ZZEF1: variants seen among roughly 807,000 people sequenced by gnomAD.
The protein encoded by ZZEF1 is zinc finger ZZ-type and EF-hand domain-containing protein 1.
Under a neutral mutation model 342.8 loss-of-function variants are expected in ZZEF1, and 157 were observed. That is an observed-to-expected ratio of 0.46 (90% confidence interval 0.40 to 0.52). ZZEF1 has a LOEUF of 0.52. ZZEF1 is among the 20% of genes least tolerant of loss of function. ZZEF1 has a pLI of 0.00. For missense variants in ZZEF1, 3,480 were observed against 3,725.6 expected (o/e 0.93, Z 1.72); for synonymous variants, 1,505 against 1,429.1 (o/e 1.05, Z -1.20).
At chr17:4,044,071 C>T (rs1248063962) in intron 38 of ZZEF1, among the ~76,000 whole-genome samples, 153 bp downstream of exon 38, 4 of 152,358 alleles carry the variant, frequency 2.6e-5, no homozygotes, top group East Asian at 1.9e-4. Flanking sequence ...AGATGACATT[C>T]GAGGTGTCAT....
In ZZEF1 at chr17:4,059,123, G is replaced by C. The variant is rs767703899; in HGVS notation, c.5003+48C>G. 4 of 1,448,768 alleles carry C rather than the reference G, an allele frequency of 2.8e-6. No homozygotes were observed. The East Asian group carries it at 7.4e-5, about 27-fold the overall frequency. 89.7% of individuals were successfully genotyped at this position (1,448,768 alleles called of 1,614,324 possible). ...TGAACATATATTTCTTTTATAATCA[G>C]AAAAAAATACATTTTTTTTCTCTAG... On this transcript the variant is annotated intron_variant, in intron 31 of 54. Coordinates refer to ENST00000381638, the MANE Select transcript of ZZEF1 (RefSeq NM_015113.4).
chr17:4,085,489 G>C (rs1220201899), intron 16 of ZZEF1, among the ~76,000 whole-genome samples, 181 bp downstream of exon 16: 4 of 152,206 alleles, frequency 2.6e-5, no homozygotes, highest in Non-Finnish European at 5.9e-5. Flanking sequence ...GGGAATACGT[G>C]TCATCCCACT....
intron 23 of ZZEF1, 132 bp from the exon 24 acceptor site, chr17:4,074,483 C>T (rs1361749782): frequency 1.3e-5 from 12 of 928,354 alleles, no homozygotes; most frequent in East Asian, 1.3e-4. Context: ...AAATGACTAA[C>T]GGAGAAATGT....
Position 4,064,705 on chromosome 17 carries a change from CTTG to C in ZZEF1, c.4371_4373del (p.Asn1457del), listed in dbSNP as rs775690435. 18 of 1,614,062 alleles carry C rather than the reference CTTG, an allele frequency of 1.1e-5. No individual in the cohort carries two copies. The highest frequency in any genetic ancestry group is 3.3e-5 in the Admixed American group (2 of 60,006). ...CCACCACAGAGCTTGTCCTCTGACG[CTTG>C]TTGAGTGGCTGGAGATGACTGGTTT... On this transcript the variant is annotated inframe_deletion, in exon 29 of 55. Coordinates refer to ENST00000381638, the MANE Select transcript of ZZEF1 (RefSeq NM_015113.4).
Position 4,064,659 on chromosome 17 carries a change from C to T in ZZEF1, c.4420G>A (p.Val1474Ile), listed in dbSNP as rs1325493151. ...GGGGGTGCGGCTTCAGTGGGAGATA[C>T]TGAGGCTTGGAAATGCTCTTCCACC... ...SVVEEHFQAS[V>I]SPTEAAPPAT... Residue 1474 changes from valine to isoleucine, a missense_variant, in exon 29 of 55, where the codon GTA becomes ATA. By Grantham distance (29) the Val-to-Ile change is conservative. Transcript: ENST00000381638. 6.2e-7 allele frequency: 1 copy of T among 1,614,076 alleles called. No homozygotes were observed. The highest frequency in any genetic ancestry group is 2.2e-5 in the East Asian group (1 of 44,904).
At chr17:4,031,207 T>G (rs1052381672) in intron 42 of ZZEF1, among the ~76,000 whole-genome samples, 1 of 151,884 alleles carries the variant, frequency 6.6e-6, no homozygotes, top group Non-Finnish European at 1.5e-5. Context: ...TCCCAACTAC[T>G]TGGAAGGCTG....
chr17:4,035,234 A>G (rs1309833926), intron 39 of ZZEF1, among the ~76,000 whole-genome samples: 1 of 152,206 alleles, frequency 6.6e-6, no homozygotes, highest in Admixed American at 6.5e-5. Flanking sequence ...AAAATGCACA[A>G]AACCGAAGAA....
rs779897104 is a variant in ZZEF1 at position 4,017,451 on chromosome 17, G to A, written c.7921C>T (p.Leu2641=). 3 of 1,614,180 alleles carry A rather than the reference G, an allele frequency of 1.9e-6. No individual in the cohort carries two copies. The highest frequency in any genetic ancestry group is 1.6e-4 in the Middle Eastern group (1 of 6,062). Residue 2641 remains leucine (L), a synonymous_variant, in exon 48 of 55, where the codon CTG becomes TTG. Coordinates refer to ENST00000381638, the MANE Select transcript of ZZEF1 (RefSeq NM_015113.4). The surrounding 1 kb of genome is among the most constrained non-coding windows in gnomAD (Gnocchi z 5.1). ...ATATGGGCAGGGCCACTGAGCTCCA[G>A]GATGTCCTCGCTCACTGGCACGTGG... ...PSHVPVSEDI[L]ELSGPAHMTY...
At chr17:4,098,810 C>T (rs551519337) in intron 9 of ZZEF1, among the ~76,000 whole-genome samples, 4 of 152,274 alleles carry the variant, frequency 2.6e-5, no homozygotes, top group South Asian at 2.1e-4. Context: ...TTCACACAGA[C>T]GCTCTATGAT....
At chr17:4,009,058 GGCGGACGCTACTCACGCCGCCCAGCACC>G in intron 53 of ZZEF1, 104 bp from the exon 54 acceptor site, 1 of 1,370,506 alleles carries the variant, frequency 7.3e-7, no homozygotes, top group African/African-American at 1.4e-5. Flanking sequence ...GCCTCTCATG[GGCGGACGCTACTCACGCCGCCCAGCACC>G]GCGTGGCACT....
At chr17:4,090,607 A>G (rs2057923847) in intron 12 of ZZEF1, 112 bp downstream of exon 12, 3 of 771,896 alleles carry the variant, frequency 3.9e-6, no homozygotes, top group Non-Finnish European at 6.7e-6. Context: ...AACTCCCTGA[A>G]GGTAGATTCG....
intron 2 of ZZEF1, among the ~76,000 whole-genome samples, chr17:4,123,096 A>G (rs889017774): frequency 6.7e-6 from 1 of 150,002 alleles, no homozygotes; most frequent in Admixed American, 6.6e-5. Flanking sequence ...ATTTTTTTGT[A>G]TTTTCAGTAG....
chr17:4,039,865 C>T (rs1477228825), intron 39 of ZZEF1, among the ~76,000 whole-genome samples: 2 of 151,936 alleles, frequency 1.3e-5, no homozygotes, highest in Non-Finnish European at 2.9e-5. Context: ...AGGATGGTCT[C>T]GATCTCCTGA....
At chr17:4,009,915 C>G (rs1487766203) in intron 52 of ZZEF1, among the ~76,000 whole-genome samples, 158 bp from the exon 53 acceptor site, 2 of 152,070 alleles carry the variant, frequency 1.3e-5, no homozygotes, top group Admixed American at 6.5e-5. Flanking sequence ...AAAGCAGCCA[C>G]GAATAGTCAC....
At chr17:4,041,224 C>T (rs868070993) in intron 39 of ZZEF1, among the ~76,000 whole-genome samples, 4 of 152,288 alleles carry the variant, frequency 2.6e-5, no homozygotes, top group African/African-American at 9.6e-5. Flanking sequence ...CATTCTAGTT[C>T]CACGTGCACC....
intron 42 of ZZEF1, among the ~76,000 whole-genome samples, chr17:4,029,938 G>C (rs1198325824): frequency 6.7e-6 from 1 of 148,638 alleles, no homozygotes; most frequent in African/African-American, 2.5e-5. Flanking sequence ...ACTCATGCCT[G>C]TTATCCCAGC....
intron 12 of ZZEF1, among the ~76,000 whole-genome samples, chr17:4,089,130 C>T (rs1459142065): frequency 1.3e-5 from 2 of 152,148 alleles, no homozygotes; most frequent in South Asian, 2.1e-4. Flanking sequence ...AGGAAAATTG[C>T]ATCATTACTC....
rs1383877351 is a variant in ZZEF1 at position 4,057,887 on chromosome 17, GAC to G, written c.5165+105_5165+106del. On this transcript the variant is annotated intron_variant, in intron 32 of 54. Coordinates refer to ENST00000381638, the MANE Select transcript of ZZEF1 (RefSeq NM_015113.4). ...CTAGGATGTGGCAAAGCCAAGATAT[GAC>G]ACAGACAGTCTAGCTCCGGAGTCTG... 1.0e-5 allele frequency: 12 copies of G among 1,197,066 alleles called. 1 individual carries two copies. Among genetic ancestry groups the G allele is most frequent in the Non-Finnish European group, 1.4e-5 (12 of 848,702 alleles). 74.2% of individuals were successfully genotyped at this position (1,197,066 alleles called of 1,614,324 possible). A position where few individuals can be genotyped will look rare whatever the true frequency, so the allele number is the denominator to read the frequency against.
chr17:4,013,088 C>CA (rs200757795), intron 52 of ZZEF1, among the ~76,000 whole-genome samples: 890 of 75,068 alleles, frequency 0.012, 6 homozygotes, highest in East Asian at 0.035. Context: ...GACTCTGTCT[C>CA]AAAAAAAAAA....
Sources: allele counts gnomAD v4.1 joint callset (sites outside exome capture counted in the v4.1 genomes callset), GRCh38; gene constraint gnomAD v4.1.1; non-coding constraint Gnocchi (gnomAD v3.1); transcripts MANE v1.5; gene names NCBI Gene and HGNC (gene_info 2026-07-23, HGNC 2026-07-21).